Variants in ITGB3BP observed in about 807,000 individuals in gnomAD.
ITGB3BP encodes the protein centromere protein R.
Under a neutral mutation model 29.1 loss-of-function variants are expected in ITGB3BP, and 27 were observed. The ratio of observed to expected loss-of-function variants is 0.93; its 90% CI spans 0.68 to 1.28. ITGB3BP has a LOEUF of 1.28. Among genes scored for constraint, ITGB3BP ranks in the 50% most tolerant of loss-of-function variants. The pLI, the probability that ITGB3BP is intolerant of heterozygous loss-of-function variation, is 0.00. For missense variants in ITGB3BP, 192 were observed against 200.2 expected, an observed-to-expected ratio of 0.96 and a Z score of 0.25; for synonymous variants, 61 against 61.4, an observed-to-expected ratio of 0.99 and a Z score of 0.03.
chr1:63,453,043 G>A (rs375635008), intron 7 of ITGB3BP, among the ~76,000 whole-genome samples: 13 of 152,172 alleles, frequency 8.5e-5, no homozygotes, highest in African/African-American at 2.9e-4. Flanking sequence ...AGGCCAGACT[G>A]GTCTTTGGTT....
At chr1:63,515,342 TTCTC>T (rs985847351) in intron 1 of ITGB3BP, among the ~76,000 whole-genome samples, 13 of 152,176 alleles carry the variant, frequency 8.5e-5, no homozygotes, top group Non-Finnish European at 1.8e-4. Flanking sequence ...ATTTACCTAT[TTCTC>T]TATATGCCCA....
At chr1:63,480,422 G>A (rs1293288915) in intron 3 of ITGB3BP, among the ~76,000 whole-genome samples, 1 of 152,088 alleles carries the variant, frequency 6.6e-6, no homozygotes, top group South Asian at 2.1e-4. Flanking sequence ...GCAAGTATTT[G>A]AGGACACATA....
intron 2 of ITGB3BP, among the ~76,000 whole-genome samples, chr1:63,503,669 C>T (rs1645997366): frequency 6.6e-6 from 1 of 151,982 alleles, no homozygotes; most frequent in Admixed American, 6.6e-5. Context: ...GTCTTTAATC[C>T]ATCTTGAATT....
chr1:63,445,559 T>C (rs946468235), intron 8 of ITGB3BP, among the ~76,000 whole-genome samples: 9 of 151,970 alleles, frequency 5.9e-5, no homozygotes, highest in Non-Finnish European at 1.0e-4. Context: ...TGATTTTTTT[T>C]CCCCTAAGAG....
At chr1:63,450,066 A>T (rs1400039971) in intron 7 of ITGB3BP, among the ~76,000 whole-genome samples, 1 of 151,936 alleles carries the variant, frequency 6.6e-6, no homozygotes, top group Non-Finnish European at 1.5e-5. Flanking sequence ...TAAGAATCTG[A>T]TAACTTTAAA....
At chr1:63,514,875 G>A (rs1321229487) in intron 1 of ITGB3BP, among the ~76,000 whole-genome samples, 2 of 148,714 alleles carry the variant, frequency 1.3e-5, no homozygotes, top group African/African-American at 2.5e-5. Context: ...GAACCCAGGA[G>A]ACGGAGGTTG....
chr1:63,490,255 T>C (rs367732635), intron 2 of ITGB3BP, 37 bp from the exon 3 acceptor site: 41 of 1,414,278 alleles, frequency 2.9e-5, no homozygotes, highest in Middle Eastern at 2.3e-4. Flanking sequence ...GAAATAGCTA[T>C]GTTTAGTTAT....
intron 4 of ITGB3BP, among the ~76,000 whole-genome samples, chr1:63,459,306 CA>C (rs961912776): frequency 9.2e-5 from 14 of 152,152 alleles, no homozygotes; most frequent in Admixed American, 2.0e-4. Context: ...TCAAAGGCCA[CA>C]AATACACTAC....
At chr1:63,487,161 T>C (rs1049450482) in intron 3 of ITGB3BP, among the ~76,000 whole-genome samples, 11 of 152,076 alleles carry the variant, frequency 7.2e-5, no homozygotes, top group Non-Finnish European at 1.5e-5. Flanking sequence ...TATGCATCCA[T>C]GGCATAGCCA....
chr1:63,500,176 G>C (rs901721297), intron 2 of ITGB3BP, among the ~76,000 whole-genome samples: 3 of 152,144 alleles, frequency 2.0e-5, no homozygotes, highest in Admixed American at 6.6e-5. Flanking sequence ...TCAGGAGTTC[G>C]AGGCCAGCCT....
chr1:63,444,700 A>AT, intron 8 of ITGB3BP, among the ~76,000 whole-genome samples: 1 of 149,584 alleles, frequency 6.7e-6, no homozygotes. Flanking sequence ...TAAGGATAAT[A>AT]TTTATATATT....
chr1:63,442,138 C>G (rs933709929), intron 8 of ITGB3BP, among the ~76,000 whole-genome samples: 2 of 152,178 alleles, frequency 1.3e-5, no homozygotes, highest in Non-Finnish European at 2.9e-5. Context: ...GGTGATCTGT[C>G]TGCTGTGAAT....
At chr1:63,520,124 A>G (rs1646415905) in intron 1 of ITGB3BP, among the ~76,000 whole-genome samples, 1 of 152,172 alleles carries the variant, frequency 6.6e-6, no homozygotes, top group Non-Finnish European at 1.5e-5. Flanking sequence ...AAAAAGGTCT[A>G]GAATGGGATT....
chr1:63,471,761 C>A (rs1237831688), intron 4 of ITGB3BP, among the ~76,000 whole-genome samples: 1 of 152,060 alleles, frequency 6.6e-6, no homozygotes, highest in East Asian at 1.9e-4. Context: ...CTTAATTCTA[C>A]TTCTTAGATT....
chr1:63,498,543 G>A (rs1570273348), intron 2 of ITGB3BP, among the ~76,000 whole-genome samples: 1 of 152,092 alleles, frequency 6.6e-6, no homozygotes, highest in East Asian at 1.9e-4. Context: ...AAAACTTAAT[G>A]GGATGTAGTG....
At chr1:63,514,286 T>C (rs1236148500) in intron 1 of ITGB3BP, among the ~76,000 whole-genome samples, 1 of 152,216 alleles carries the variant, frequency 6.6e-6, no homozygotes, top group East Asian at 1.9e-4. Flanking sequence ...GGTTTTAGTT[T>C]TTAGCCATTA....
intron 2 of ITGB3BP, 27 bp from the exon 3 acceptor site, chr1:63,490,245 G>A: frequency 6.8e-7 from 1 of 1,468,992 alleles, no homozygotes; most frequent in South Asian, 1.2e-5. Context: ...ATTAAGGACA[G>A]AAATAGCTAT....
intron 1 of ITGB3BP, among the ~76,000 whole-genome samples, chr1:63,519,171 A>C (rs1346048698): frequency 6.6e-6 from 1 of 152,148 alleles, no homozygotes; most frequent in African/African-American, 2.4e-5. Flanking sequence ...ACCCATTGTA[A>C]ATTGAAAATG....
At chr1:63,524,034 C>CG (rs1311544525), upstream of ITGB3BP, among the ~76,000 whole-genome samples, 1 of 151,996 alleles carries the variant, frequency 6.6e-6, no homozygotes, top group African/African-American at 2.4e-5. Flanking sequence ...TCCAAGCCTG[C>CG]GGGGGGTGCA....
Sources: allele counts gnomAD v4.1 joint callset (sites outside exome capture counted in the v4.1 genomes callset), GRCh38; gene constraint gnomAD v4.1.1; transcripts MANE v1.5; gene names NCBI Gene and HGNC (gene_info 2026-07-23, HGNC 2026-07-21).